HSPG2: variants seen among roughly 807,000 people sequenced by gnomAD.
HSPG2 encodes the protein basement membrane-specific heparan sulfate proteoglycan core protein.
In HSPG2, 278 loss-of-function variants were observed where a neutral mutation model predicts 526.6. The ratio of observed to expected loss-of-function variants is 0.53; its 90% CI spans 0.48 to 0.58. HSPG2 has a LOEUF of 0.58. Ranked by LOEUF, HSPG2 falls within the 20% of genes least tolerant of loss-of-function variation. The pLI is 0.00. For synonymous variants in HSPG2, 2,465 were observed against 2,555.4 expected (o/e 0.96, Z 1.07); for missense variants, 5,354 against 6,099.5 (o/e 0.88, Z 4.07).
chr1:21,860,328 C>A, intron 39 of HSPG2, 93 bp from the exon 40 acceptor site: 2 of 1,193,198 alleles, frequency 1.7e-6, no homozygotes, highest in South Asian at 1.3e-5. Flanking sequence ...GCAGGCCACC[C>A]AATGTCAGGT....
chr1:21,834,890 G>A lies in HSPG2; in HGVS notation c.10509C>T (p.Gly3503=). ...CCAGGCATTCGAACTCCACGGCGTG[G>A]CCAACCACCACGGTCTGCACAGAGG... ...IRTSVQTVVV[G]HAVEFECLAL... is the part of the protein sequence containing the mutation. Residue 3503 remains glycine (G), a synonymous_variant, in exon 77 of 97, where the codon GGC becomes GGT. Transcript: ENST00000374695. The A allele has an allele frequency of 6.2e-7, 1 of 1,613,442 alleles. No individual in the cohort carries two copies. Among genetic ancestry groups the A allele is most frequent in the Non-Finnish European group, 8.5e-7 (1 of 1,179,562 alleles).
intron 91 of HSPG2, among the ~76,000 whole-genome samples, chr1:21,825,384 G>T (rs2097968326): frequency 1.3e-5 from 2 of 152,190 alleles, no homozygotes; most frequent in South Asian, 4.1e-4. Flanking sequence ...CACATCCCAA[G>T]AAACCCCTCA....
In HSPG2 at chr1:21,873,413, C is replaced by G. The variant is rs1231190346; in HGVS notation, c.3755G>C (p.Gly1252Ala). The stretch of plus-strand genomic sequence containing the variant: ...GCCCTGGCTGGGGTTGCCATAGTAG[C>G]CAGGGGCGCACCTGCAGAGAGAAAA... ...SGRHCERCAP[G>A]YYGNPSQGQP... The change falls in exon 30 of 97, where the codon GGC (glycine) becomes GCC (alanine). Residue 1252 changes from glycine to alanine, a missense_variant. Physicochemically the swap from Gly to Ala is moderately conservative, Grantham distance 60. Transcript: ENST00000374695. The G allele has an allele frequency of 5.6e-6, 9 of 1,613,904 alleles. No homozygotes were observed. Among genetic ancestry groups the G allele is most frequent in the Admixed American group, 1.7e-5 (1 of 59,998 alleles).
intron 1 of HSPG2, among the ~76,000 whole-genome samples, chr1:21,927,061 G>C (rs1160474716): frequency 6.6e-6 from 1 of 152,194 alleles, no homozygotes; most frequent in Non-Finnish European, 1.5e-5. Flanking sequence ...CAGGGACCCG[G>C]AGGTGGGCTG....
intron 63 of HSPG2, 78 bp downstream of exon 63, chr1:21,846,370 C>G: frequency 6.2e-7 from 1 of 1,610,306 alleles, no homozygotes; most frequent in Non-Finnish European, 8.5e-7. Flanking sequence ...ACGGGGGCTC[C>G]TAGGTCTCCC....
At chr1:21,918,172 A>G (rs1381577400) in intron 1 of HSPG2, among the ~76,000 whole-genome samples, 4 of 152,114 alleles carry the variant, frequency 2.6e-5, no homozygotes, top group African/African-American at 9.7e-5. Flanking sequence ...CCTCTGTAAA[A>G]TGGGACAACA....
chr1:21,936,441 G>C (rs1048657965), intron 1 of HSPG2, among the ~76,000 whole-genome samples: 2 of 152,216 alleles, frequency 1.3e-5, no homozygotes, highest in African/African-American at 4.8e-5. Context: ...CACGCACTTT[G>C]CAGCTCATTC....
In HSPG2 at chr1:21,888,570, T is replaced by C. The variant is rs777091920; in HGVS notation, c.575-504A>G. On this transcript the variant is annotated intron_variant, in intron 6 of 96. Coordinates refer to ENST00000374695, the MANE Select transcript of HSPG2 (RefSeq NM_005529.7). ...ATCCTCCCGTCTTGGCCTCCCAAAGTGCTGGGGTTACAGGCGTGAGCCCCT... is the reference window on the plus strand; with the variant it reads ...ATCCTCCCGTCTTGGCCTCCCAAAGCGCTGGGGTTACAGGCGTGAGCCCCT... 3.7e-4 allele frequency: 314 copies of C among 854,014 alleles called. 1 individual carries two copies. Among genetic ancestry groups the C allele is most frequent in the Non-Finnish European group, 4.8e-4 (292 of 611,066 alleles). The allele number at this position is 854,014 out of a possible 1,614,324, so 52.9% of individuals were successfully genotyped here.
chr1:21,845,614 A>C (rs760447611), intron 64 of HSPG2, among the ~76,000 whole-genome samples: 9 of 152,170 alleles, frequency 5.9e-5, no homozygotes, highest in Non-Finnish European at 1.2e-4. Flanking sequence ...TCATGAGCTC[A>C]GGCAATCTGC....
At position 21,872,595 on chromosome 1, in the gene HSPG2, G is replaced by A. The variant is rs1640737914; in HGVS notation, c.4029+25C>T. 8.9e-6 allele frequency: 14 copies of A among 1,571,040 alleles called. No homozygotes were observed. The East Asian group carries it at 3.2e-4, about 36-fold the overall frequency. ...CAGGCAGCAGGTGGCAACACCGCCT[G>A]GGGCTGGGCAGCACAGGCTCTCACC... On this transcript the variant is annotated intron_variant, in intron 32 of 96. Coordinates refer to ENST00000374695, the MANE Select transcript of HSPG2 (RefSeq NM_005529.7). The surrounding 1 kb of genome is among the most constrained non-coding windows in gnomAD (Gnocchi z 5.5).
Position 21,855,827 on chromosome 1 carries a change from G to A in HSPG2, c.5661C>T (p.Cys1887=), listed in dbSNP as rs547900967. The A allele has an allele frequency of 8.7e-6, 14 of 1,613,238 alleles. No individual in the cohort carries two copies. In the South Asian group the frequency reaches 1.5e-4, roughly 18 times the overall value. The change falls in exon 45 of 97, where the codon TGC becomes TGT. Residue 1887 remains cysteine, a synonymous_variant. Coordinates refer to ENST00000374695, the MANE Select transcript of HSPG2 (RefSeq NM_005529.7). ...TGGGCGTGGGGCTCCCTGTGGCGCT[G>A]CAGCGGAACTCCGCCAGTTGCCCGG... The part of the protein sequence containing the change: ...VQPGQLAEFR[C]SATGSPTPTL...
chr1:21,827,896 A>G lies in HSPG2; in HGVS notation c.12556T>C (p.Ser4186Pro). Residue 4186 changes from serine to proline, a missense_variant, in exon 91 of 97, where the codon TCC becomes CCC. Ser to Pro is a moderately conservative substitution (Grantham distance 74). Transcript: ENST00000374695. The stretch of plus-strand genomic sequence containing the variant: ...CCGCTGCCTTCAAGATGCCAGTCGG[A>G]CTCTGCTATGCCATGTCCAGAGCCT... ...QQGSGHGIAE[S>P]DWHLEGSGGN... The G allele has an allele frequency of 1.3e-6, 2 of 1,597,102 alleles. 1 individual carries two copies. Among genetic ancestry groups the G allele is most frequent in the South Asian group, 2.3e-5 (2 of 88,040 alleles).
chr1:21,875,877 C>A lies in HSPG2; in HGVS notation c.3169G>T (p.Val1057Leu), dbSNP rs1641023260. 6.2e-7 allele frequency: 1 copy of A among 1,613,978 alleles called. No individual in the cohort carries two copies. Among genetic ancestry groups the A allele is most frequent in the Admixed American group, 1.7e-5 (1 of 60,010 alleles). Residue 1057 changes from valine (V) to leucine (L), a missense_variant, in exon 24 of 97, where the codon GTG (valine) becomes TTG (leucine). By Grantham distance (32) the Val-to-Leu change is conservative. Transcript: ENST00000374695. Reference protein sequence around the residue: ...PSPGQPSTFIVPFREQAWQRP... With the variant: ...PSPGQPSTFILPFREQAWQRP... ...GTATTGCTCACCTCCCGGAAAGGCA[C>A]AATGAAGGTGCTGGGCTGGCCGGGG...
At chr1:21,846,323 A>G in intron 63 of HSPG2, 68 bp from the exon 64 acceptor site, 1 of 1,609,802 alleles carries the variant, frequency 6.2e-7, no homozygotes, top group Non-Finnish European at 8.5e-7. Context: ...GCCTGGGGCC[A>G]GGGTCTAACC....
Position 21,859,343 on chromosome 1 carries a change from G to A in HSPG2, c.5293+223C>T, listed in dbSNP as rs1048377387. On this transcript the variant is annotated intron_variant, in intron 42 of 96. Transcript: ENST00000374695. The surrounding 1 kb of genome is among the most constrained non-coding windows in gnomAD (Gnocchi z 5.3). ...ATTATAGACGTGACCCACCGTGCCC[G>A]GCCCACCCTTTTCTTTTGCCCTCAC... Among the ~76,000 whole-genome samples the A allele has an allele frequency of 3.9e-5, 6 of 152,020 alleles. No homozygotes were observed. Among genetic ancestry groups the A allele is most frequent in the South Asian group, 4.1e-4 (2 of 4,826 alleles).
At chr1:21,896,664 T>C (rs1572398680) in intron 1 of HSPG2, among the ~76,000 whole-genome samples, 1 of 150,490 alleles carries the variant, frequency 6.6e-6, no homozygotes, top group African/African-American at 2.5e-5. Flanking sequence ...TGCGGGCGGG[T>C]AAAGGGGTGG....
Position 21,852,772 on chromosome 1 carries a change from A to G in HSPG2, c.6652T>C (p.Cys2218Arg), listed in dbSNP as rs1214767290. 2 of 1,613,192 alleles carry G rather than the reference A, an allele frequency of 1.2e-6. No individual in the cohort carries two copies. The change falls in exon 52 of 97, where the codon TGC becomes CGC. Residue 2218 changes from cysteine to arginine, a missense_variant. Physicochemically the swap from Cys to Arg is radical, Grantham distance 180 (BLOSUM62 -3). Transcript: ENST00000374695. Reference protein sequence around the residue: ...VTPADSGEYVCHVVGTSGPLE... With the variant: ...VTPADSGEYVRHVVGTSGPLE... ...GGGCCGGAGGTGCCCACCACATGGC[A>G]CACATACTCGCCTGAGTCGGCCGGG...
intron 64 of HSPG2, among the ~76,000 whole-genome samples, chr1:21,845,571 G>A (rs1441456871): frequency 6.6e-6 from 1 of 151,976 alleles, no homozygotes; most frequent in Non-Finnish European, 1.5e-5. Flanking sequence ...GTAGAGATGG[G>A]GTTTCACCAT....
rs1213403576 is a variant in HSPG2, at chr1:21,847,046, T to G, written c.8164+308A>C. On this transcript the variant is annotated intron_variant, in intron 62 of 96. Coordinates refer to ENST00000374695, the MANE Select transcript of HSPG2 (RefSeq NM_005529.7). The surrounding 1 kb of genome is among the most constrained non-coding windows in gnomAD (Gnocchi z 4.1). ...ATAGTTAACACTTATAAAGCACTTC[T>G]GGCATGCCAGGCACGCTCTAAGCAC... is the stretch of plus-strand genomic sequence containing the variant. Among the ~76,000 whole-genome samples the G allele has an allele frequency of 6.6e-6, 1 of 152,184 alleles. No homozygotes were observed. Among genetic ancestry groups the G allele is most frequent in the Non-Finnish European group, 1.5e-5 (1 of 68,032 alleles).
Sources: allele counts gnomAD v4.1 joint callset (sites outside exome capture counted in the v4.1 genomes callset), GRCh38; gene constraint gnomAD v4.1.1; non-coding constraint Gnocchi (gnomAD v3.1); transcripts MANE v1.5; gene names NCBI Gene and HGNC (gene_info 2026-07-23, HGNC 2026-07-21).